Variants in GPR39 observed in about 807,000 individuals in gnomAD.
GPR39 encodes the protein zinc sensing receptor.
Under a neutral mutation model 18.4 loss-of-function variants are expected in GPR39, and 23 were observed. That is an observed-to-expected ratio of 1.25 (90% CI 0.90 to 1.77). The LOEUF (loss-of-function observed/expected upper bound fraction) is 1.77, where lower values mean the gene tolerates loss of function less well. Among genes scored for constraint, GPR39 ranks in the 40% most tolerant of loss-of-function variants. The probability of loss-of-function intolerance (pLI) is 0.00; values close to 1 mark genes in which losing one functional copy is unlikely to be tolerated. For synonymous variants in GPR39, 280 were observed against 257.9 expected (o/e 1.09, Z -0.82); for missense variants, 647 against 602.4 (o/e 1.07, Z -0.78).
chr2:132,639,166 C>CA (rs1291627370), intron 1 of GPR39, among the ~76,000 whole-genome samples: 1 of 152,056 alleles, frequency 6.6e-6, no homozygotes, highest in Non-Finnish European at 1.5e-5. Flanking sequence ...TTTGTATCAT[C>CA]AGTCCCTAGG....
chr2:132,555,028 T>C (rs1680122037), intron 1 of GPR39, among the ~76,000 whole-genome samples: 1 of 152,002 alleles, frequency 6.6e-6, no homozygotes. Flanking sequence ...CTTAGCTCAC[T>C]GCAACATCCA....
intron 1 of GPR39, among the ~76,000 whole-genome samples, chr2:132,553,719 T>C (rs1680097162): frequency 6.6e-6 from 1 of 152,122 alleles, no homozygotes; most frequent in African/African-American, 2.4e-5. Flanking sequence ...TCCCAAGAGC[T>C]GGACTGACTT....
At chr2:132,541,001 T>A (rs1484970940) in intron 1 of GPR39, among the ~76,000 whole-genome samples, 1 of 152,066 alleles carries the variant, frequency 6.6e-6, no homozygotes, top group Non-Finnish European at 1.5e-5. Flanking sequence ...CTTGCCCCAT[T>A]GACCTGCCTC....
intron 1 of GPR39, among the ~76,000 whole-genome samples, chr2:132,492,382 C>CAT (rs1216243492): frequency 7.4e-6 from 1 of 134,684 alleles, no homozygotes; most frequent in Non-Finnish European, 1.6e-5. Flanking sequence ...ATATACATAC[C>CAT]ATATATATAC....
intron 1 of GPR39, among the ~76,000 whole-genome samples, chr2:132,527,072 G>A (rs1348849792): frequency 6.6e-6 from 1 of 152,094 alleles, no homozygotes. Context: ...GCATGGATTA[G>A]GTATTTGTCC....
At chr2:132,545,696 G>C (rs966805233) in intron 1 of GPR39, among the ~76,000 whole-genome samples, 1 of 151,246 alleles carries the variant, frequency 6.6e-6, no homozygotes, top group African/African-American at 2.4e-5. Context: ...TAAAGCACCT[G>C]ATGATGACAA....
intron 1 of GPR39, among the ~76,000 whole-genome samples, chr2:132,493,089 T>TATACC (rs1681535261): frequency 7.0e-6 from 1 of 143,036 alleles, no homozygotes; most frequent in African/African-American, 2.6e-5. Flanking sequence ...ATATACCATA[T>TATACC]ATATACACCA....
At chr2:132,595,344 T>C (rs891225953) in intron 1 of GPR39, among the ~76,000 whole-genome samples, 39 of 150,006 alleles carry the variant, frequency 2.6e-4, no homozygotes, top group African/African-American at 8.8e-4. Flanking sequence ...TGGGCGGTAA[T>C]ACTTGTAGCA....
chr2:132,427,644 A>G (rs1351052484), intron 1 of GPR39, among the ~76,000 whole-genome samples: 1 of 150,710 alleles, frequency 6.6e-6, no homozygotes, highest in Non-Finnish European at 1.5e-5. Flanking sequence ...AGGATTAAAT[A>G]TCACATTGAA....
intron 1 of GPR39, among the ~76,000 whole-genome samples, chr2:132,600,554 G>A (rs1185442765): frequency 2.0e-5 from 3 of 151,832 alleles, no homozygotes; most frequent in Non-Finnish European, 4.4e-5. Flanking sequence ...GAAATACAAG[G>A]GATCATTAAA....
chr2:132,503,082 T>A (rs945611781), intron 1 of GPR39, among the ~76,000 whole-genome samples: 6 of 152,232 alleles, frequency 3.9e-5, no homozygotes, highest in Admixed American at 2.6e-4. Flanking sequence ...ATCAGAGATT[T>A]TGTCTTGGTT....
At chr2:132,443,776 T>A (rs1202643915) in intron 1 of GPR39, among the ~76,000 whole-genome samples, 1 of 152,200 alleles carries the variant, frequency 6.6e-6, no homozygotes, top group Non-Finnish European at 1.5e-5. Context: ...AACATATTTT[T>A]AAAATTTTGT....
intron 1 of GPR39, among the ~76,000 whole-genome samples, chr2:132,605,241 G>A (rs532111197): frequency 1.3e-5 from 2 of 152,042 alleles, no homozygotes; most frequent in Middle Eastern, 6.8e-3. Context: ...TTAGGTTGAT[G>A]TGGCTTCAGG....
chr2:132,451,149 G>C (rs1680625480), intron 1 of GPR39, among the ~76,000 whole-genome samples: 1 of 117,622 alleles, frequency 8.5e-6, no homozygotes, highest in Non-Finnish European at 2.1e-5. Flanking sequence ...CTTTGAGGCT[G>C]TGTGTGTGTG....
At chr2:132,467,599 C>T (rs1411619380) in intron 1 of GPR39, among the ~76,000 whole-genome samples, 1 of 152,122 alleles carries the variant, frequency 6.6e-6, no homozygotes, top group African/African-American at 2.4e-5. Flanking sequence ...TGAATGAATA[C>T]ATCAATGAAT....
intron 1 of GPR39, among the ~76,000 whole-genome samples, chr2:132,420,998 G>T (rs1679998186): frequency 6.6e-6 from 1 of 152,188 alleles, no homozygotes; most frequent in Non-Finnish European, 1.5e-5. Context: ...ACTAGACTTG[G>T]TTTCTGTTTC....
intron 1 of GPR39, among the ~76,000 whole-genome samples, chr2:132,453,238 T>C (rs964139825): frequency 2.6e-5 from 4 of 152,236 alleles, no homozygotes; most frequent in African/African-American, 7.2e-5. Flanking sequence ...CCAGTGATGA[T>C]GAGCATTTTT....
chr2:132,464,727 T>G (rs1295644709), intron 1 of GPR39, among the ~76,000 whole-genome samples: 1 of 152,182 alleles, frequency 6.6e-6, no homozygotes, highest in Non-Finnish European at 1.5e-5. Flanking sequence ...GACCCGGCAG[T>G]ATATCCTTCC....
rs574371268 is a variant in GPR39 at position 132,553,422 on chromosome 2, A to G, written c.857-91679A>G. ...TATACGTATATATATGTACACACAC[A>G]AATATATACATATATATATATACCA... On this transcript the variant is annotated intron_variant, in intron 1 of 1. Transcript: ENST00000329321. Among the ~76,000 whole-genome samples, 4 of 151,408 alleles carry G rather than the reference A, an allele frequency of 2.6e-5. No individual in the cohort carries two copies. In the South Asian group the frequency reaches 8.3e-4, roughly 31 times the overall value.
Sources: allele counts gnomAD v4.1 joint callset (sites outside exome capture counted in the v4.1 genomes callset), GRCh38; gene constraint gnomAD v4.1.1; transcripts MANE v1.5; gene names NCBI Gene and HGNC (gene_info 2026-07-23, HGNC 2026-07-21).